INVS: variants seen among roughly 807,000 people sequenced by gnomAD.
INVS encodes the protein inversin, also known as inversion of embryo turning homolog.
INVS carries 86 observed loss-of-function variants against 108.8 expected under a neutral mutation model. The observed-to-expected ratio is 0.79, with a 90% CI of 0.66 to 0.95. The LOEUF is 0.95. INVS is among the 40% of genes least tolerant of loss of function. The pLI, the probability that INVS is intolerant of heterozygous loss-of-function variation, is 0.00. For missense variants in INVS, 1,169 were observed against 1,297.4 expected (o/e 0.90, Z 1.52); for synonymous variants, 455 against 473.5 (o/e 0.96, Z 0.51).
chr9:100,162,907 C>T (rs749442241), intron 3 of INVS, among the ~76,000 whole-genome samples: 2 of 151,936 alleles, frequency 1.3e-5, no homozygotes, highest in South Asian at 4.1e-4. Context: ...AGGAGACCAA[C>T]CAATATCAGG....
intron 14 of INVS, among the ~76,000 whole-genome samples, chr9:100,296,500 G>A (rs1242895783): frequency 6.6e-6 from 1 of 152,204 alleles, no homozygotes; most frequent in African/African-American, 2.4e-5. Flanking sequence ...CTGCTACGTA[G>A]AATGCCCTTC....
intron 3 of INVS, among the ~76,000 whole-genome samples, chr9:100,129,254 G>A (rs907227773): frequency 2.1e-5 from 3 of 145,976 alleles, no homozygotes; most frequent in Non-Finnish European, 4.5e-5. Context: ...GGCCAAGGTG[G>A]GTGGATCACT....
At position 100,292,409 on chromosome 9, in the gene INVS, G is replaced by C. The variant is rs1554730698; in HGVS notation, c.2152G>C (p.Gly718Arg). Residue 718 changes from glycine (G) to arginine (R), a missense_variant, in exon 14 of 17, where the codon GGA becomes CGA. Gly to Arg is a moderately radical substitution (Grantham distance 125). Transcript: ENST00000262457. Reference sequence around the variant, plus strand: ...AGGCAGTGATGGAAGCAGGCATCCAGGAGTTCCCTCTGTTGAGAAGTCCAG... The same window carrying C: ...AGGCAGTGATGGAAGCAGGCATCCACGAGTTCCCTCTGTTGAGAAGTCCAG... ...NEGSDGSRHP[G>R]VPSVEKSRGE... The C allele has an allele frequency of 4.3e-6, 7 of 1,614,188 alleles. No homozygotes were observed. The highest frequency in any genetic ancestry group is 5.1e-6 in the Non-Finnish European group (6 of 1,180,044).
chr9:100,265,316 G>T (rs989208348), intron 11 of INVS, among the ~76,000 whole-genome samples: 5 of 152,042 alleles, frequency 3.3e-5, no homozygotes, highest in African/African-American at 7.2e-5. Flanking sequence ...AAATCTCAAG[G>T]TTAGATATTG....
At chr9:100,129,377 A>T (rs1827985783) in intron 3 of INVS, among the ~76,000 whole-genome samples, 1 of 151,790 alleles carries the variant, frequency 6.6e-6, no homozygotes. Flanking sequence ...GAGCACGTGT[A>T]CTCCCAGCTA....
Position 100,272,948 on chromosome 9 carries a change from A to G in INVS, c.1656A>G (p.Ala552=). The part of the protein sequence containing the change: ...FMLEHGALSI[A]AIQDIAAFKI... ...TGGAGCACGGTGCCCTGTCCATCGC[A>G]GCCATACAAGACATCGCCGCCTTCA... is the stretch of plus-strand genomic sequence containing the variant. The change falls in exon 12 of 17, where the codon GCA becomes GCG. Residue 552 remains alanine (A), a synonymous_variant. Transcript: ENST00000262457. 6.2e-7 allele frequency: 1 copy of G among 1,614,150 alleles called. No individual in the cohort carries two copies. Among genetic ancestry groups the G allele is most frequent in the Non-Finnish European group, 8.5e-7 (1 of 1,180,026 alleles).
At chr9:100,293,648 TG>T (rs2118767817) in intron 14 of INVS, among the ~76,000 whole-genome samples, 2 of 152,308 alleles carry the variant, frequency 1.3e-5, no homozygotes, top group South Asian at 2.1e-4. Flanking sequence ...TAGTAGGCAC[TG>T]GGAGTGGGGG....
At chr9:100,103,695 G>C (rs1827084342) in intron 1 of INVS, among the ~76,000 whole-genome samples, 1 of 146,740 alleles carries the variant, frequency 6.8e-6, no homozygotes, top group Non-Finnish European at 1.5e-5. Flanking sequence ...GGGAGGGGAG[G>C]GGAGGCGAGG....
In INVS at chr9:100,285,191, T is replaced by C. The variant is rs549939736; in HGVS notation, c.2068+588T>C. ...ATTCCTGAAGAATCATTAAGCCAGA[T>C]ATAGAATTCAGGGTTGGCAGTTCTT... On this transcript the variant is annotated intron_variant, in intron 13 of 16. Coordinates refer to ENST00000262457, the MANE Select transcript of INVS (RefSeq NM_014425.5). Among the ~76,000 whole-genome samples the C allele has an allele frequency of 6.6e-5, 10 of 152,338 alleles. No homozygotes were observed. The East Asian group carries it at 1.9e-3, about 29-fold the overall frequency.
intron 3 of INVS, among the ~76,000 whole-genome samples, chr9:100,201,321 C>T (rs1330612306): frequency 6.6e-6 from 1 of 152,238 alleles, no homozygotes; most frequent in Non-Finnish European, 1.5e-5. Context: ...GAAACATTAT[C>T]TTTATTATCC....
Position 100,104,587 on chromosome 9 carries a change from C to A in INVS, c.66C>A (p.Ala22=). 1 of 1,613,958 alleles carries A rather than the reference C, an allele frequency of 6.2e-7. No individual in the cohort carries two copies. The change falls in exon 2 of 17, where the codon GCC becomes GCA. Residue 22 remains alanine, a synonymous_variant. Transcript: ENST00000262457. The stretch of plus-strand genomic sequence containing the variant: ...TAGCATCACAAGTCCATGCTGCTGC[C>A]GTTAATGGAGATAAGGGTGCTCTAC... ...SSLASQVHAA[A]VNGDKGALQR...
At chr9:100,249,645 C>T (rs1832158988) in intron 8 of INVS, among the ~76,000 whole-genome samples, 1 of 151,868 alleles carries the variant, frequency 6.6e-6, no homozygotes, top group Non-Finnish European at 1.5e-5. Context: ...CAGGTGCCCA[C>T]CACTATGCTG....
chr9:100,264,934 T>C lies in INVS; in HGVS notation c.1571+6T>C. 1.3e-6 allele frequency: 2 copies of C among 1,598,618 alleles called. No individual in the cohort carries two copies. Among genetic ancestry groups the C allele is most frequent in the Non-Finnish European group, 1.7e-6 (2 of 1,166,178 alleles). On this transcript the variant is annotated splice_donor_region_variant and intron_variant, in intron 11 of 16. Transcript: ENST00000262457. The stretch of plus-strand genomic sequence containing the variant: ...ATGGAAAACAATGAAGAGAGGTAAG[T>C]TGTTGTTGACTTTTTTTTTTTTTTT...
intron 7 of INVS, 95 bp from the exon 8 acceptor site, chr9:100,246,521 G>T (rs1832053518): frequency 1.2e-6 from 1 of 838,450 alleles, no homozygotes; most frequent in South Asian, 1.6e-5. Context: ...AAAATGCTTT[G>T]CTTCTTAATG....
At chr9:100,270,940 A>G (rs1002244116) in intron 11 of INVS, among the ~76,000 whole-genome samples, 2 of 152,008 alleles carry the variant, frequency 1.3e-5, no homozygotes, top group African/African-American at 4.8e-5. Context: ...AAAGAAAAAA[A>G]AAAAAGAATG....
intron 14 of INVS, among the ~76,000 whole-genome samples, chr9:100,294,177 A>G (rs1005353419): frequency 6.6e-6 from 1 of 152,180 alleles, no homozygotes; most frequent in African/African-American, 2.4e-5. Flanking sequence ...CAAGAAAAGA[A>G]ATAGGTGGAA....
chr9:100,106,643 T>C (rs1790020673), intron 2 of INVS, among the ~76,000 whole-genome samples: 1 of 152,218 alleles, frequency 6.6e-6, no homozygotes, highest in South Asian at 2.1e-4. Flanking sequence ...TACACAGTTA[T>C]GTGGGCAGTC....
chr9:100,125,681 AT>A (rs68122542), intron 2 of INVS, among the ~76,000 whole-genome samples: 56,007 of 98,974 alleles, frequency 0.57, 13,466 homozygotes, highest in East Asian at 0.72. Context: ...ATCAACTGTG[AT>A]TTTTTTTTTT....
chr9:100,259,739 G>A (rs763048499), intron 10 of INVS, among the ~76,000 whole-genome samples: 11 of 151,934 alleles, frequency 7.2e-5, no homozygotes, highest in South Asian at 4.2e-4. Context: ...TAGTAGAGAC[G>A]GGGTTTCGTC....
Sources: allele counts gnomAD v4.1 joint callset (sites outside exome capture counted in the v4.1 genomes callset), GRCh38; gene constraint gnomAD v4.1.1; transcripts MANE v1.5; gene names NCBI Gene and HGNC (gene_info 2026-07-23, HGNC 2026-07-21).